Variants in ZNF100 observed in about 807,000 individuals in gnomAD.
ZNF100 encodes the protein zinc finger protein 100.
ZNF100 carries 12 observed loss-of-function variants against 15.8 expected under a neutral mutation model. The ratio of observed to expected loss-of-function variants is 0.76; its 90% CI spans 0.49 to 1.23. The LOEUF is 1.23. ZNF100 is among the 50% of genes most tolerant of loss of function. The pLI, the probability that ZNF100 is intolerant of heterozygous loss-of-function variation, is 0.00. For missense variants in ZNF100, 670 were observed against 635.6 expected (o/e 1.05, Z -0.58); for synonymous variants, 226 against 214.8 (o/e 1.05, Z -0.45).
At chr19:21,762,712 A>G (rs879790111) in intron 2 of ZNF100, among the ~76,000 whole-genome samples, 1 of 152,186 alleles carries the variant, frequency 6.6e-6, no homozygotes, top group Admixed American at 6.5e-5. Context: ...AAAAATAACA[A>G]TAATAATAGA....
chr19:21,730,052 C>A (rs1479050749), intron 4 of ZNF100, among the ~76,000 whole-genome samples: 2 of 151,632 alleles, frequency 1.3e-5, no homozygotes, highest in Admixed American at 6.6e-5. Context: ...AAATGAGTGA[C>A]CAAGATATAA....
At chr19:21,737,283 TGGGA>T (rs1189151176) in intron 4 of ZNF100, among the ~76,000 whole-genome samples, 1 of 151,974 alleles carries the variant, frequency 6.6e-6, no homozygotes, top group African/African-American at 2.4e-5. Flanking sequence ...CCCAGCACTT[TGGGA>T]GGGTGAAGTG....
At chr19:21,751,022 G>T (rs1439066654) in intron 2 of ZNF100, 10 of 1,290,958 alleles carry the variant, frequency 7.7e-6, no homozygotes, top group Non-Finnish European at 1.1e-5. Context: ...GCGGGCGAGG[G>T]CCACCACCTG....
chr19:21,759,133 C>T (rs1181587188), intron 2 of ZNF100, among the ~76,000 whole-genome samples: 3 of 152,158 alleles, frequency 2.0e-5, no homozygotes, highest in African/African-American at 7.2e-5. Context: ...ACCCCATAGG[C>T]CCATCTATGT....
In ZNF100 at chr19:21,726,461, CTA is replaced by C; in HGVS notation, c.*220_*221del. 6.0e-6 allele frequency: 3 copies of C among 498,796 alleles called. No individual in the cohort carries two copies. In the South Asian group the frequency reaches 1.2e-4, roughly 19 times the overall value. The allele number at this position is 498,796 out of a possible 1,614,324, so 30.9% of individuals were successfully genotyped here. ...TTCACATTTCTAGGATTTCTCAACA[CTA>C]TGATTTATGTTTTGAAAAGTTTGAG... On this transcript the variant is annotated 3_prime_UTR_variant, in exon 5 of 5. Coordinates refer to ENST00000358296, the MANE Select transcript of ZNF100 (RefSeq NM_173531.4).
At chr19:21,758,405 A>G (rs7250493) in intron 2 of ZNF100, among the ~76,000 whole-genome samples, 3,499 of 152,272 alleles carry the variant, frequency 0.023, 142 homozygotes, top group African/African-American at 0.08. Flanking sequence ...AACCCTGCAC[A>G]TGTACACGTG....
chr19:21,738,829 CAGCTACTT>C, intron 4 of ZNF100, among the ~76,000 whole-genome samples: 1 of 152,024 alleles, frequency 6.6e-6, no homozygotes, highest in Non-Finnish European at 1.5e-5. Flanking sequence ...GCCTATATCC[CAGCTACTT>C]GGGAGGCTGA....
intron 2 of ZNF100, among the ~76,000 whole-genome samples, chr19:21,757,555 T>C (rs2036411219): frequency 2.0e-5 from 3 of 152,256 alleles, no homozygotes. Context: ...AGTGTGGCGA[T>C]TCTTCACAGA....
chr19:21,743,074 A>G (rs772109738), intron 4 of ZNF100: 2 of 152,170 alleles, frequency 1.3e-5, no homozygotes, highest in Non-Finnish European at 2.9e-5. Flanking sequence ...TAAAAATTAA[A>G]AAAATTAGCT....
In ZNF100 at chr19:21,722,779, TTATATAAG is replaced by T. The variant is rs1422033058; in HGVS notation, c.*3896_*3903del. 2 of 149,414 alleles carry T rather than the reference TTATATAAG, an allele frequency of 1.3e-5. No individual in the cohort carries two copies. Among genetic ancestry groups the T allele is most frequent in the Non-Finnish European group, 3.0e-5 (2 of 67,356 alleles). 9.3% of individuals were successfully genotyped at this position (149,414 alleles called of 1,614,324 possible). On this transcript the variant is annotated 3_prime_UTR_variant, in exon 5 of 5. Transcript: ENST00000358296. The stretch of plus-strand genomic sequence containing the variant: ...AAAAAAAAATTATGTTATACTTTTA[TTATATAAG>T]TATATATTTTAATAAAAGTATGTTA...
At chr19:21,759,866 T>C (rs1171207741) in intron 2 of ZNF100, among the ~76,000 whole-genome samples, 2 of 152,154 alleles carry the variant, frequency 1.3e-5, no homozygotes, top group Non-Finnish European at 2.9e-5. Context: ...GAGAAAGCCA[T>C]TCTCTTATAT....
intron 2 of ZNF100, chr19:21,753,305 G>A (rs1236969875): frequency 6.6e-6 from 1 of 152,228 alleles, no homozygotes; most frequent in Non-Finnish European, 1.5e-5. Context: ...CGGGCATAGT[G>A]ATTCATGCCT....
At chr19:21,746,922 T>C (rs1261868731) in intron 2 of ZNF100, 3 of 152,162 alleles carry the variant, frequency 2.0e-5, no homozygotes, top group Non-Finnish European at 4.4e-5. Context: ...TTGAGAAAAC[T>C]GCCTTAAATG....
intron 2 of ZNF100, among the ~76,000 whole-genome samples, chr19:21,761,322 TTTAG>T (rs2036480291): frequency 2.0e-5 from 3 of 152,184 alleles, no homozygotes; most frequent in Admixed American, 6.5e-5. Flanking sequence ...CTTAAAACAA[TTTAG>T]TTATTTATAT....
At chr19:21,732,136 A>G (rs1876695070) in intron 4 of ZNF100, among the ~76,000 whole-genome samples, 1 of 151,602 alleles carries the variant, frequency 6.6e-6, no homozygotes, top group African/African-American at 2.4e-5. Context: ...CCGCCACTAC[A>G]CCCCAGTCTT....
At chr19:21,728,814 C>T (rs1466723287) in intron 4 of ZNF100, among the ~76,000 whole-genome samples, 2 of 151,580 alleles carry the variant, frequency 1.3e-5, no homozygotes, top group African/African-American at 4.8e-5. Context: ...GATGTATACA[C>T]ACCGATTTTA....
intron 2 of ZNF100, chr19:21,752,175 C>CCA (rs2036318311): frequency 6.4e-6 from 1 of 157,170 alleles, no homozygotes; most frequent in African/African-American, 2.4e-5. Flanking sequence ...GGCTCCCATC[C>CCA]CACACACAGA....
At chr19:21,730,118 A>C (rs1333946276) in intron 4 of ZNF100, among the ~76,000 whole-genome samples, 1 of 152,068 alleles carries the variant, frequency 6.6e-6, no homozygotes, top group Non-Finnish European at 1.5e-5. Context: ...GTTTCAGAAA[A>C]TTATTTAAAT....
intron 2 of ZNF100, among the ~76,000 whole-genome samples, chr19:21,748,550 A>C (rs1210720644): frequency 6.6e-6 from 1 of 152,212 alleles, no homozygotes; most frequent in Non-Finnish European, 1.5e-5. Flanking sequence ...ACTCTTTTAA[A>C]GTTTTCTGGA....
Sources: gnomAD v4.1 joint callset for allele counts (sites outside exome capture counted in the v4.1 genomes callset) on GRCh38, gnomAD v4.1.1 for gene constraint, MANE v1.5 for transcripts, NCBI Gene and HGNC (gene_info 2026-07-23, HGNC 2026-07-21) for gene names.